SSBP3: variants seen among roughly 807,000 people sequenced by gnomAD.
The protein encoded by SSBP3 is single stranded DNA binding protein 3, also known as single-stranded DNA-binding protein 3.
A neutral mutation model predicts 69.6 loss-of-function variants in SSBP3; 5 were observed. The ratio of observed to expected loss-of-function variants is 0.07; its 90% confidence interval spans 0.04 to 0.15. The LOEUF is 0.15. SSBP3 is among the 10% of genes least tolerant of loss of function. The pLI, the probability that SSBP3 is intolerant of heterozygous loss-of-function variation, is 1.00. For synonymous variants in SSBP3, 196 were observed against 193.4 expected, an observed-to-expected ratio of 1.01 and a Z score of -0.11; for missense variants, 312 against 534.0, an observed-to-expected ratio of 0.58 and a Z score of 4.10.
chr1:54,275,561 T>C (rs1365641469), intron 5 of SSBP3, among the ~76,000 whole-genome samples: 2 of 152,174 alleles, frequency 1.3e-5, no homozygotes, highest in East Asian at 3.9e-4. Flanking sequence ...ATGTTCTCAT[T>C]TACTGGGCTT....
At chr1:54,389,712 T>TA (rs895716430) in intron 4 of SSBP3, among the ~76,000 whole-genome samples, 2 of 151,130 alleles carry the variant, frequency 1.3e-5, no homozygotes, top group African/African-American at 2.4e-5. Context: ...AATAAAAAAA[T>TA]AAAAAAACAG....
chr1:54,251,979 CCT>C, intron 7 of SSBP3, 119 bp from the exon 8 acceptor site: 1 of 821,046 alleles, frequency 1.2e-6, no homozygotes, highest in Non-Finnish European at 2.0e-6. Context: ...TCATGGCCTC[CCT>C]GAGACTTCTG....
At chr1:54,306,128 C>T (rs1159512928) in intron 4 of SSBP3, among the ~76,000 whole-genome samples, 1 of 151,982 alleles carries the variant, frequency 6.6e-6, no homozygotes. Flanking sequence ...TTTCTTATTC[C>T]TCCTCCTGGA....
intron 7 of SSBP3, among the ~76,000 whole-genome samples, chr1:54,252,874 G>A (rs1349645274): frequency 6.6e-6 from 1 of 152,216 alleles, no homozygotes; most frequent in East Asian, 1.9e-4. Flanking sequence ...TCATCTGCAG[G>A]TGTCAGTGCT....
chr1:54,348,157 G>A (rs1646719354), intron 4 of SSBP3, among the ~76,000 whole-genome samples: 1 of 149,062 alleles, frequency 6.7e-6, no homozygotes, highest in East Asian at 2.0e-4. Flanking sequence ...TTATCGGGTG[G>A]CGGACTCTGC....
intron 5 of SSBP3, among the ~76,000 whole-genome samples, chr1:54,268,556 A>G (rs1477716414): frequency 6.6e-6 from 1 of 152,228 alleles, no homozygotes; most frequent in Non-Finnish European, 1.5e-5. Context: ...ACAAATCCAG[A>G]ATGCCCCTAA....
chr1:54,384,204 G>A (rs1169583066), intron 4 of SSBP3, among the ~76,000 whole-genome samples: 2 of 151,586 alleles, frequency 1.3e-5, no homozygotes, highest in Non-Finnish European at 2.9e-5. Flanking sequence ...TGGGTTAACT[G>A]AACAGAGAGC....
intron 4 of SSBP3, among the ~76,000 whole-genome samples, chr1:54,339,194 T>TG (rs1646563295): frequency 6.6e-6 from 1 of 151,874 alleles, no homozygotes; most frequent in African/African-American, 2.4e-5. Context: ...GAATAGGAAA[T>TG]GGGGGAGAAG....
intron 4 of SSBP3, among the ~76,000 whole-genome samples, chr1:54,318,887 T>C (rs764779696): frequency 6.6e-6 from 1 of 152,234 alleles, no homozygotes; most frequent in Non-Finnish European, 1.5e-5. Flanking sequence ...GGGGTCGTCC[T>C]TTCCCAGGAT....
At chr1:54,238,147 A>G (rs1203390282) in intron 14 of SSBP3, 1 of 470,980 alleles carries the variant, frequency 2.1e-6, no homozygotes. Flanking sequence ...GCCAGAAACC[A>G]TCCCTCAGAG....
chr1:54,327,233 G>A (rs371036370), intron 4 of SSBP3, among the ~76,000 whole-genome samples: 1 of 109,062 alleles, frequency 9.2e-6, no homozygotes, highest in African/African-American at 2.7e-5. Context: ...AGGAAGGAAG[G>A]AAGGAAGGAA....
At chr1:54,265,663 G>C (rs1645089095) in intron 5 of SSBP3, among the ~76,000 whole-genome samples, 2 of 152,206 alleles carry the variant, frequency 1.3e-5, no homozygotes, top group Admixed American at 6.5e-5. Flanking sequence ...GGACGGTGGG[G>C]AAGTTACCAG....
At chr1:54,297,438 T>C (rs1424212625) in intron 4 of SSBP3, among the ~76,000 whole-genome samples, 2 of 152,172 alleles carry the variant, frequency 1.3e-5, no homozygotes, top group Non-Finnish European at 1.5e-5. Context: ...GAGACCAGCC[T>C]GGCCAACATG....
chr1:54,340,991 G>A (rs1437629275), intron 4 of SSBP3, among the ~76,000 whole-genome samples: 1 of 152,224 alleles, frequency 6.6e-6, no homozygotes, highest in African/African-American at 2.4e-5. Flanking sequence ...GCTGTGTTTT[G>A]AGACCAGCAA....
intron 4 of SSBP3, among the ~76,000 whole-genome samples, chr1:54,361,490 T>A (rs1557563842): frequency 6.6e-6 from 1 of 152,014 alleles, no homozygotes; most frequent in Non-Finnish European, 1.5e-5. Context: ...GCACTCCCGC[T>A]GAGTGTGGGA....
chr1:54,253,546 C>CT (rs1474078464), intron 7 of SSBP3, among the ~76,000 whole-genome samples: 1 of 152,192 alleles, frequency 6.6e-6, no homozygotes, highest in East Asian at 1.9e-4. Context: ...TGCTCAGCGT[C>CT]TGTCTTTCCA....
At chr1:54,324,838 T>C (rs1256364972) in intron 4 of SSBP3, among the ~76,000 whole-genome samples, 1 of 152,198 alleles carries the variant, frequency 6.6e-6, no homozygotes, top group Non-Finnish European at 1.5e-5. Flanking sequence ...GTAAATCTGC[T>C]AAACGAGGTG....
chr1:54,369,351 G>C (rs1435342240), intron 4 of SSBP3, among the ~76,000 whole-genome samples: 1 of 152,034 alleles, frequency 6.6e-6, no homozygotes, highest in Admixed American at 6.5e-5. Flanking sequence ...ATGCAGGAAG[G>C]CAGGGAGCTA....
At chr1:54,385,803 G>A (rs1648037909) in intron 4 of SSBP3, among the ~76,000 whole-genome samples, 2 of 152,172 alleles carry the variant, frequency 1.3e-5, no homozygotes, top group Non-Finnish European at 1.5e-5. Context: ...CTGAGGCTCA[G>A]AGGTTAATCA....
Sources: allele counts gnomAD v4.1 joint callset (sites outside exome capture counted in the v4.1 genomes callset), GRCh38; gene constraint gnomAD v4.1.1; transcripts MANE v1.5; gene names NCBI Gene and HGNC (gene_info 2026-07-23, HGNC 2026-07-21).